Variants in LUZP1 observed in about 807,000 individuals in gnomAD.
The protein encoded by LUZP1 is leucine zipper protein 1.
In LUZP1, 25 loss-of-function variants were observed where a neutral mutation model predicts 71.3. The observed-to-expected ratio is 0.35, with a 90% CI of 0.26 to 0.49. The LOEUF is 0.49. LUZP1 is among the 20% of genes least tolerant of loss of function. The pLI is 0.99. For missense variants in LUZP1, 1,142 were observed against 1,300.8 expected (o/e 0.88, Z 1.88); for synonymous variants, 481 against 506.4 (o/e 0.95, Z 0.67).
chr1:23,163,354 C>G (rs1644484391), intron 2 of LUZP1, among the ~76,000 whole-genome samples: 1 of 150,138 alleles, frequency 6.7e-6, no homozygotes, highest in South Asian at 2.1e-4. Context: ...CAAGACCAGC[C>G]TGGGCAACAA....
chr1:23,090,794 G>A, intron 4 of LUZP1: 2 of 708,192 alleles, frequency 2.8e-6, no homozygotes, highest in Non-Finnish European at 5.2e-6. Context: ...CCTACAGAAA[G>A]GGCACCGGGC....
At chr1:23,110,589 C>T (rs759375716) in intron 2 of LUZP1, among the ~76,000 whole-genome samples, 2 of 151,764 alleles carry the variant, frequency 1.3e-5, no homozygotes, top group Non-Finnish European at 2.9e-5. Flanking sequence ...AACATGCACA[C>T]ATGCACACAT....
chr1:23,124,544 T>C (rs958667821), intron 2 of LUZP1, among the ~76,000 whole-genome samples: 3 of 152,186 alleles, frequency 2.0e-5, no homozygotes, highest in African/African-American at 7.2e-5. Context: ...TGCCTTAATT[T>C]CAAGAGTTTT....
chr1:23,117,477 C>CTCTCTCTCTCTCTCTCTCTCTCTCTCT (rs34248788), intron 2 of LUZP1, among the ~76,000 whole-genome samples: 2 of 13,860 alleles, frequency 1.4e-4, no homozygotes, highest in African/African-American at 2.9e-4. Context: ...CTCTCTCTCT[C>CTCTCTCTCTCTCTCTCTCTCTCTCTCT]CCCCCCCCCC....
chr1:23,163,154 C>T (rs909899100), intron 2 of LUZP1, among the ~76,000 whole-genome samples: 1 of 147,972 alleles, frequency 6.8e-6, no homozygotes, highest in Non-Finnish European at 1.5e-5. Flanking sequence ...GGAGAAGAAT[C>T]GTTTGAACCC....
intron 2 of LUZP1, among the ~76,000 whole-genome samples, chr1:23,124,419 G>A (rs1414727171): frequency 6.6e-6 from 1 of 152,106 alleles, no homozygotes; most frequent in Non-Finnish European, 1.5e-5. Flanking sequence ...AGTGGCTAAG[G>A]ACAGGGTAGG....
exon 5 of LUZP1, chr1:23,088,784 A>G: frequency 6.9e-7 from 1 of 1,448,898 alleles, no homozygotes; most frequent in Non-Finnish European, 9.3e-7. Flanking sequence ...ACAGTTTTCC[A>G]GCCAAGGCTT....
At chr1:23,124,238 G>T (rs1015436458) in intron 2 of LUZP1, among the ~76,000 whole-genome samples, 2 of 152,158 alleles carry the variant, frequency 1.3e-5, no homozygotes, top group African/African-American at 4.8e-5. Flanking sequence ...GATACTTAGG[G>T]TGCAATAATC....
intron 2 of LUZP1, among the ~76,000 whole-genome samples, chr1:23,138,570 A>G (rs894614106): frequency 2.0e-5 from 3 of 152,012 alleles, no homozygotes; most frequent in Non-Finnish European, 1.5e-5. Flanking sequence ...GAAATTAAAT[A>G]ATGATGATGG....
At chr1:23,121,530 C>T (rs1282566519) in intron 2 of LUZP1, among the ~76,000 whole-genome samples, 1 of 152,166 alleles carries the variant, frequency 6.6e-6, no homozygotes, top group Admixed American at 6.5e-5. Flanking sequence ...CTAGCCTGGG[C>T]AACATAGTAA....
intron 2 of LUZP1, chr1:23,140,746 C>T (rs1644296751): frequency 6.6e-6 from 1 of 152,638 alleles, no homozygotes; most frequent in South Asian, 2.1e-4. Flanking sequence ...CACCCAAGGA[C>T]ATGCCCTTCA....
chr1:23,150,733 A>C (rs1051449544), intron 2 of LUZP1, among the ~76,000 whole-genome samples: 5 of 152,182 alleles, frequency 3.3e-5, no homozygotes, highest in Non-Finnish European at 5.9e-5. Context: ...CAAACATATC[A>C]AAAAACTGCT....
chr1:23,124,333 C>T (rs1183492981), intron 2 of LUZP1, among the ~76,000 whole-genome samples: 1 of 152,102 alleles, frequency 6.6e-6, no homozygotes, highest in African/African-American at 2.4e-5. Flanking sequence ...GACCTAGGAC[C>T]TAAGTGGCCA....
Position 23,117,510 on chromosome 1 carries a change from G to C in LUZP1, c.-225-8383C>G, listed in dbSNP as rs1422272779. ...CCCCCCCACAATCAGGAAGCCCTGGGGGGGGGGGCGGGGGGGGGGAACACC... is the reference window on the plus strand; with the variant it reads ...CCCCCCCACAATCAGGAAGCCCTGGCGGGGGGGGCGGGGGGGGGGAACACC... On this transcript the variant is annotated intron_variant, in intron 2 of 4. Coordinates refer to ENST00000302291, the Ensembl canonical transcript of LUZP1. Among the ~76,000 whole-genome samples, 10 of 69,120 alleles carry C rather than the reference G, an allele frequency of 1.4e-4. No homozygotes were observed. The South Asian group carries it at 1.9e-3, about 13-fold the overall frequency. The allele number at this position is 69,120 out of a possible 152,430, so 45.3% of individuals were successfully genotyped here.
At chr1:23,124,093 C>T (rs1040543872) in intron 2 of LUZP1, among the ~76,000 whole-genome samples, 1 of 152,146 alleles carries the variant, frequency 6.6e-6, no homozygotes, top group Non-Finnish European at 1.5e-5. Flanking sequence ...TAAGACCACC[C>T]AAGGTACACA....
At chr1:23,146,240 T>C (rs1159361815) in intron 2 of LUZP1, among the ~76,000 whole-genome samples, 2 of 152,134 alleles carry the variant, frequency 1.3e-5, no homozygotes, top group African/African-American at 4.8e-5. Context: ...ATGGTCTCGA[T>C]CTCTTGACCT....
chr1:23,152,510 A>T (rs533099824), intron 2 of LUZP1, among the ~76,000 whole-genome samples: 2 of 152,102 alleles, frequency 1.3e-5, no homozygotes, highest in South Asian at 4.2e-4. Flanking sequence ...CTAATACCAC[A>T]AATGTTCCTC....
rs1296443048 is a variant in LUZP1, at chr1:23,155,802, T to TA, written c.-226+12963dup. Among the ~76,000 whole-genome samples the TA allele has an allele frequency of 2.5e-4, 37 of 150,656 alleles. No homozygotes were observed. In the South Asian group the frequency reaches 7.6e-3, roughly 31 times the overall value. On this transcript the variant is annotated intron_variant, in intron 2 of 4. Transcript: ENST00000302291. ...TGGGCAACAAGAGTGAAACTCCATC[T>TA]AAAAAAAAATTAACACTTAAATGAG...
chr1:23,099,242 G>A (rs897970242), intron 3 of LUZP1, among the ~76,000 whole-genome samples: 2 of 152,240 alleles, frequency 1.3e-5, no homozygotes, highest in African/African-American at 4.8e-5. Context: ...TGTATACACA[G>A]GGTTGGTTTG....
Sources: gnomAD v4.1 joint callset for allele counts (sites outside exome capture counted in the v4.1 genomes callset) on GRCh38, gnomAD v4.1.1 for gene constraint, MANE v1.5 for transcripts, NCBI Gene and HGNC (gene_info 2026-07-23, HGNC 2026-07-21) for gene names.